APC: variants seen among roughly 807,000 people sequenced by gnomAD.
The protein encoded by APC is APC regulator of Wnt signaling pathway.
APC carries 72 observed loss-of-function variants against 247.0 expected under a neutral mutation model. That is an observed-to-expected ratio of 0.29 (90% confidence interval 0.24 to 0.35). The LOEUF (loss-of-function observed/expected upper bound fraction) is 0.35. APC is among the 10% of genes least tolerant of loss of function. The pLI is 1.00. For synonymous variants in APC, 1,254 were observed against 1,162.5 expected (o/e 1.08, Z -1.60); for missense variants, 3,400 against 3,360.7 (o/e 1.01, Z -0.29).
intron 11 of APC, among the ~76,000 whole-genome samples, chr5:112,823,593 A>G (rs78104929): frequency 0.072 from 10,975 of 152,256 alleles, 508 homozygotes; most frequent in Middle Eastern, 0.14. Flanking sequence ...GTCAGCTGGG[A>G]TGGTCATTTG....
At position 112,707,585 on chromosome 5, in the gene APC, C is replaced by CGG. The variant is rs565045828; in HGVS notation, c.-127_-126dup. 8.3e-6 allele frequency: 8 copies of CGG among 967,308 alleles called. No individual in the cohort carries two copies. Among genetic ancestry groups the CGG allele is most frequent in the Middle Eastern group, 2.7e-4 (1 of 3,768 alleles). 59.9% of individuals were successfully genotyped at this position (967,308 alleles called of 1,614,324 possible). ...GGCCGCCGGAAGCCTAGCCGCTGCT[C>CGG]GGGGGGGACCTGCGGGCTCAGGCCC... On this transcript the variant is annotated 5_prime_UTR_variant, in exon 1 of 14. Coordinates refer to the APC transcript ENST00000507379.
upstream of APC, among the ~76,000 whole-genome samples, chr5:112,737,123 A>G (rs985307954): frequency 5.9e-5 from 9 of 152,238 alleles, no homozygotes; most frequent in Non-Finnish European, 8.8e-5. Flanking sequence ...AAAATACTAC[A>G]TTAAAGCCTC....
In APC at chr5:112,807,991, C is replaced by G. The variant is rs931047326; in HGVS notation, c.834+6608C>G. 2.0e-5 allele frequency among the ~76,000 whole-genome samples: 3 copies of G among 152,076 alleles called. No individual in the cohort carries two copies. In the South Asian group the frequency reaches 6.2e-4, roughly 32 times the overall value. On this transcript the variant is annotated intron_variant, in intron 8 of 15. Coordinates refer to ENST00000257430, the MANE Select transcript of APC (RefSeq NM_000038.6). ...CCAACATGGTGAAACCCTGTCTCTA[C>G]TGAAAATACAAAAATTAGCCAGATG...
intron 1 of APC, among the ~76,000 whole-genome samples, chr5:112,729,149 A>G (rs1751961030): frequency 6.6e-6 from 1 of 152,230 alleles, no homozygotes; most frequent in Non-Finnish European, 1.5e-5. Flanking sequence ...TTATTGTATC[A>G]TCTACATTCA....
At chr5:112,729,309 G>A (rs1751971568) in intron 1 of APC, among the ~76,000 whole-genome samples, 3 of 152,190 alleles carry the variant, frequency 2.0e-5, no homozygotes. Context: ...CATAGATAGA[G>A]CTTTTCAGAT....
chr5:112,708,293 G>C (rs1308871218), intron 1 of APC, among the ~76,000 whole-genome samples: 1 of 152,190 alleles, frequency 6.6e-6, no homozygotes, highest in Non-Finnish European at 1.5e-5. Flanking sequence ...CCGGCATGTG[G>C]AGTTACAAAG....
rs776852155 is a variant in APC at position 112,815,529 on chromosome 5, G to A, written c.869G>A (p.Ser290Asn). The change falls in exon 9 of 16, where the codon AGT becomes AAT. Residue 290 changes from serine to asparagine, a missense_variant. This residue lies in a region of APC where 372 missense variants were observed against 367.6 expected (regional missense o/e 1.01). Transcript: ENST00000257430. ...ACACGAATGGACCATGAAACAGCCA[G>A]TGTTTTGAGTTCTAGTAGCACACAC... ...STTRMDHETA[S>N]VLSSSSTHSA... 1.2e-6 allele frequency: 2 copies of A among 1,612,316 alleles called. No homozygotes were observed. Among genetic ancestry groups the A allele is most frequent in the African/African-American group, 1.3e-5 (1 of 74,858 alleles).
At chr5:112,770,904 G>T (rs1289990601) in intron 4 of APC, among the ~76,000 whole-genome samples, 1 of 152,046 alleles carries the variant, frequency 6.6e-6, no homozygotes, top group Non-Finnish European at 1.5e-5. Context: ...GTTCTTTCCT[G>T]TGAGTGACTG....
In APC at chr5:112,837,625, C is replaced by T. The variant is rs769363082; in HGVS notation, c.2031C>T (p.Val677=). The change falls in exon 16 of 16, where the codon GTC becomes GTT. Residue 677 remains valine (V), a synonymous_variant. Transcript: ENST00000257430. ...QHLKSHSLTI[V]SNACGTLWNL... ...TAAAATCTCATAGTTTGACAATAGTCAGTAATGCATGTGGAACTTTGTGGA... is the reference window on the plus strand; with the variant it reads ...TAAAATCTCATAGTTTGACAATAGTTAGTAATGCATGTGGAACTTTGTGGA... The T allele has an allele frequency of 2.5e-6, 4 of 1,612,816 alleles. No individual in the cohort carries two copies. Among genetic ancestry groups the T allele is most frequent in the East Asian group, 2.2e-5 (1 of 44,852 alleles).
intron 5 of APC, among the ~76,000 whole-genome samples, chr5:112,777,270 A>G (rs1296440918): frequency 6.6e-6 from 1 of 151,712 alleles, no homozygotes; most frequent in African/African-American, 2.4e-5. Flanking sequence ...TTTTCTTTAT[A>G]CACACACACA....
intron 13 of APC, among the ~76,000 whole-genome samples, chr5:112,828,649 T>C (rs1255751818): frequency 6.6e-6 from 1 of 152,064 alleles, no homozygotes; most frequent in Non-Finnish European, 1.5e-5. Context: ...AGGGTCTCAC[T>C]GTGTTACCCA....
intron 14 of APC, 176 bp downstream of exon 14, chr5:112,829,148 T>C: frequency 1.8e-6 from 1 of 543,882 alleles, no homozygotes; most frequent in Non-Finnish European, 3.4e-6. Flanking sequence ...ATTCCCTAAT[T>C]TCTTTTTTGA....
rs906121440 is a variant in APC, at chr5:112,755,095, G to A, written c.135+70G>A. The A allele has an allele frequency of 9.4e-6, 15 of 1,599,508 alleles. 1 individual carries two copies. In the African/African-American group the frequency reaches 1.5e-4, roughly 16 times the overall value. ...CAGTATTCCCTCTTGTAAACTTGAG[G>A]TAAGACACTTTACTTAAAAGTGTAT... On this transcript the variant is annotated intron_variant, in intron 2 of 15. Coordinates refer to ENST00000257430, the MANE Select transcript of APC (RefSeq NM_000038.6).
intron 6 of APC, among the ~76,000 whole-genome samples, chr5:112,791,639 C>T (rs757406565): frequency 3.3e-4 from 50 of 152,188 alleles, no homozygotes; most frequent in Non-Finnish European, 6.0e-4. Flanking sequence ...TCCACGAAAC[C>T]AGTCCCTGGT....
chr5:112,730,101 C>G (rs1358042894), intron 1 of APC, among the ~76,000 whole-genome samples: 1 of 152,120 alleles, frequency 6.6e-6, no homozygotes. Flanking sequence ...CCAGAGAGAT[C>G]TGTATTTTCT....
At chr5:112,781,931 G>A (rs1008963696) in intron 6 of APC, among the ~76,000 whole-genome samples, 4 of 152,010 alleles carry the variant, frequency 2.6e-5, no homozygotes, top group South Asian at 2.1e-4. Flanking sequence ...TTTTTGTTTC[G>A]CCATGTTTGC....
chr5:112,717,318 A>G (rs1751228788), intron 1 of APC, among the ~76,000 whole-genome samples: 1 of 151,876 alleles, frequency 6.6e-6, no homozygotes, highest in African/African-American at 2.4e-5. Flanking sequence ...TGTGCATTTT[A>G]ATTCATTCTT....
In APC at chr5:112,707,570, A is replaced by C. The variant is rs953056092; in HGVS notation, c.-148A>C. 1.1e-5 allele frequency: 9 copies of C among 791,550 alleles called. No individual in the cohort carries two copies. The highest frequency in any genetic ancestry group is 1.0e-4 in the African/African-American group (6 of 57,706). 49.0% of individuals were successfully genotyped at this position (791,550 alleles called of 1,614,324 possible). A position where few individuals can be genotyped will look rare whatever the true frequency, so the allele number is the denominator to read the frequency against. ...AAGGGGGCGGGGTGTGGCCGCCGGAAGCCTAGCCGCTGCTCGGGGGGGACC... is the reference window on the plus strand; with the variant it reads ...AAGGGGGCGGGGTGTGGCCGCCGGACGCCTAGCCGCTGCTCGGGGGGGACC... On this transcript the variant is annotated 5_prime_UTR_variant, in exon 1 of 14. Coordinates refer to the APC transcript ENST00000507379.
intron 15 of APC, among the ~76,000 whole-genome samples, chr5:112,835,699 A>G (rs1764815300): frequency 6.6e-6 from 1 of 151,584 alleles, no homozygotes; most frequent in South Asian, 2.1e-4. Context: ...CAGCTTCCCA[A>G]CAAGCTGGGA....
Sources: allele counts gnomAD v4.1 joint callset (sites outside exome capture counted in the v4.1 genomes callset), GRCh38; gene constraint gnomAD v4.1.1; regional missense constraint gnomAD v4.1.1; transcripts MANE v1.5; gene names NCBI Gene and HGNC (gene_info 2026-07-23, HGNC 2026-07-21).